The following GSAP variants were observed in gnomAD, a reference collection of about 807,000 sequenced individuals.
GSAP encodes the protein gamma-secretase activating protein, also known as gamma-secretase-activating protein.
GSAP carries 118 observed loss-of-function variants against 131.7 expected under a neutral mutation model. The observed-to-expected ratio is 0.90, with a 90% CI of 0.77 to 1.04. The LOEUF (loss-of-function observed/expected upper bound fraction) is 1.04. Among genes scored for constraint, GSAP ranks in the 50% least tolerant of loss-of-function variants. The pLI, the probability that GSAP is intolerant of heterozygous loss-of-function variation, is 0.00. For synonymous variants in GSAP, 381 were observed against 363.4 expected (o/e 1.05, Z -0.55); for missense variants, 1,019 against 1,013.2 (o/e 1.01, Z -0.08).
chr7:77,372,700 T>C (rs151292111), intron 12 of GSAP, among the ~76,000 whole-genome samples: 8 of 152,350 alleles, frequency 5.3e-5, no homozygotes, highest in African/African-American at 1.4e-4. Context: ...TTTTGAACTT[T>C]ACAGCGAGCT....
At chr7:77,383,919 T>G (rs1798152928) in intron 6 of GSAP, among the ~76,000 whole-genome samples, 1 of 152,260 alleles carries the variant, frequency 6.6e-6, no homozygotes, top group Non-Finnish European at 1.5e-5. Context: ...ATAGTACTAG[T>G]CAAATTTTGG....
intron 12 of GSAP, among the ~76,000 whole-genome samples, chr7:77,366,855 T>C (rs1446253233): frequency 6.6e-6 from 1 of 152,214 alleles, no homozygotes; most frequent in Non-Finnish European, 1.5e-5. Flanking sequence ...TTCCTATCCA[T>C]GAGCATGTTT....
At chr7:77,372,489 G>C (rs1363962877) in intron 12 of GSAP, among the ~76,000 whole-genome samples, 1 of 152,194 alleles carries the variant, frequency 6.6e-6, no homozygotes, top group Non-Finnish European at 1.5e-5. Flanking sequence ...TAAGGGAACA[G>C]ATTATGTAGA....
At chr7:77,377,170 T>G in intron 9 of GSAP, 116 bp downstream of exon 9, 11 of 1,137,216 alleles carry the variant, frequency 9.7e-6, no homozygotes, top group Non-Finnish European at 1.3e-5. Flanking sequence ...TGAGCTATGA[T>G]CACACCACTG....
intron 9 of GSAP, 49 bp downstream of exon 9, chr7:77,377,237 T>TAAAAAACAAAAAAAAAA (rs1797040030): frequency 1.3e-6 from 1 of 777,390 alleles, no homozygotes; most frequent in Non-Finnish European, 1.6e-6. Context: ...AATATTTTTG[T>TAAAAAACAAAAAAAAAA]AAAAAAAAAA....
chr7:77,412,296 T>C (rs1252138443), intron 1 of GSAP, among the ~76,000 whole-genome samples: 1 of 152,198 alleles, frequency 6.6e-6, no homozygotes, highest in Non-Finnish European at 1.5e-5. Context: ...GTTTGATTGA[T>C]AATATTGAAA....
intron 12 of GSAP, among the ~76,000 whole-genome samples, chr7:77,364,036 G>A (rs1415352251): frequency 6.6e-6 from 1 of 151,974 alleles, no homozygotes; most frequent in East Asian, 1.9e-4. Context: ...CAAGGAACAT[G>A]AAATTGCTTA....
At chr7:77,406,693 C>T (rs1192218846) in intron 1 of GSAP, among the ~76,000 whole-genome samples, 1 of 152,178 alleles carries the variant, frequency 6.6e-6, no homozygotes, top group African/African-American at 2.4e-5. Flanking sequence ...TATTTTCTCC[C>T]CATGGAATGG....
intron 8 of GSAP, among the ~76,000 whole-genome samples, chr7:77,380,343 G>GAAAAATC (rs1797610250): frequency 6.6e-6 from 1 of 152,050 alleles, no homozygotes; most frequent in African/African-American, 2.4e-5. Context: ...AAGCAATCTG[G>GAAAAATC]AAAAATCTGT....
intron 27 of GSAP, among the ~76,000 whole-genome samples, 153 bp downstream of exon 27, chr7:77,314,217 G>C (rs181913547): frequency 4.6e-5 from 7 of 152,276 alleles, no homozygotes; most frequent in Non-Finnish European, 1.0e-4. Context: ...ATACTACTAA[G>C]AATTTCAAGA....
At chr7:77,337,465 G>A (rs183489790) in intron 19 of GSAP, among the ~76,000 whole-genome samples, 171 of 152,200 alleles carry the variant, frequency 1.1e-3, no homozygotes, top group African/African-American at 4.0e-3. Flanking sequence ...GTGAGCCACC[G>A]CACCCAGCCT....
At chr7:77,359,384 T>C (rs1280405232) in intron 14 of GSAP, among the ~76,000 whole-genome samples, 1 of 152,128 alleles carries the variant, frequency 6.6e-6, no homozygotes, top group Non-Finnish European at 1.5e-5. Context: ...ACACTATTCA[T>C]TAAATAAATA....
chr7:77,412,558 G>A (rs1455636110), intron 1 of GSAP, among the ~76,000 whole-genome samples: 3 of 151,912 alleles, frequency 2.0e-5, no homozygotes, highest in Admixed American at 6.6e-5. Flanking sequence ...ATCACAAACC[G>A]AAACAGAAGT....
Position 77,351,018 on chromosome 7 carries a change from G to T in GSAP, c.1492-1614C>A, listed in dbSNP as rs1792789454. ...AAGTATATAAGAAAATATTTTAGGA[G>T]ATGTAATGTAGAAATAAAAATTGAT... On this transcript the variant is annotated intron_variant, in intron 18 of 30. Coordinates refer to ENST00000257626, the MANE Select transcript of GSAP (RefSeq NM_017439.4). 7.3e-6 allele frequency: 4 copies of T among 549,916 alleles called. No individual in the cohort carries two copies. In the East Asian group the frequency reaches 4.3e-4, roughly 59 times the overall value. The allele number at this position is 549,916 out of a possible 1,614,324, so 34.1% of individuals were successfully genotyped here. A position where few individuals can be genotyped will look rare whatever the true frequency, so the allele number is the denominator to read the frequency against.
At chr7:77,326,671 C>A in intron 22 of GSAP, 1 of 159,046 alleles carries the variant, frequency 6.3e-6, no homozygotes, top group Non-Finnish European at 1.4e-5. Flanking sequence ...TTTCTGAACC[C>A]TGTAGTTCAG....
chr7:77,381,689 A>T (rs1317195244), intron 7 of GSAP, among the ~76,000 whole-genome samples: 2 of 152,124 alleles, frequency 1.3e-5, no homozygotes, highest in Admixed American at 6.5e-5. Context: ...TATAGGGCTA[A>T]CAAGGGCTTA....
chr7:77,355,633 C>T lies in GSAP; in HGVS notation c.1042G>A (p.Val348Ile), dbSNP rs1793569960. The T allele has an allele frequency of 1.9e-6, 3 of 1,579,170 alleles. No individual in the cohort carries two copies. The highest frequency in any genetic ancestry group is 2.2e-5 in the East Asian group (1 of 44,692). Residue 348 changes from valine to isoleucine, a missense_variant, in exon 15 of 31, where the codon GTT becomes ATT. By Grantham distance (29) the Val-to-Ile change is conservative (BLOSUM62 3). Coordinates refer to ENST00000257626, the MANE Select transcript of GSAP (RefSeq NM_017439.4). ...TFLNLDYYVAVYLPGHFFHLL... is the reference protein window; with the variant it reads ...TFLNLDYYVAIYLPGHFFHLL... ...TGGAAGAAATGACCAGGTAAGTAAA[C>T]AGCCACATAATAGTCTATAGAAGAG...
chr7:77,339,951 G>A (rs1364010015), intron 19 of GSAP, among the ~76,000 whole-genome samples: 1 of 152,174 alleles, frequency 6.6e-6, no homozygotes, highest in Non-Finnish European at 1.5e-5. Flanking sequence ...AGGCCTCTGA[G>A]CCCAAGCTAA....
chr7:77,366,308 C>T (rs765505026), intron 12 of GSAP, among the ~76,000 whole-genome samples: 1 of 151,944 alleles, frequency 6.6e-6, no homozygotes, highest in Non-Finnish European at 1.5e-5. Context: ...AAATATTTGC[C>T]CATTCCTATG....
Sources: allele counts gnomAD v4.1 joint callset (sites outside exome capture counted in the v4.1 genomes callset), GRCh38; gene constraint gnomAD v4.1.1; transcripts MANE v1.5; gene names NCBI Gene and HGNC (gene_info 2026-07-23, HGNC 2026-07-21).